Variants in ETNK1 observed in about 807,000 individuals in gnomAD.
ETNK1 encodes the protein putative protein product of Nbla10396.
A neutral mutation model predicts 45.1 loss-of-function variants in ETNK1; 8 were observed. That is an observed-to-expected ratio of 0.18 (90% CI 0.10 to 0.32). The LOEUF is 0.32. Ranked by LOEUF, ETNK1 falls within the 10% of genes least tolerant of loss-of-function variation. ETNK1 has a pLI of 1.00. For missense variants in ETNK1, 302 were observed against 430.6 expected, an observed-to-expected ratio of 0.70 and a Z score of 2.64; for synonymous variants, 152 against 151.9, an observed-to-expected ratio of 1.00 and a Z score of -0.01.
chr12:22,662,395 T>C (rs867382841), intron 4 of ETNK1, among the ~76,000 whole-genome samples: 5,216 of 144,816 alleles, frequency 0.036, 312 homozygotes, highest in African/African-American at 0.13. Context: ...GCCTTTCCTT[T>C]TTTTTTTTTT....
At chr12:22,642,398 CA>C (rs1259139892) in intron 1 of ETNK1, among the ~76,000 whole-genome samples, 2 of 151,912 alleles carry the variant, frequency 1.3e-5, no homozygotes, top group African/African-American at 4.8e-5. Context: ...GTCTTTCATA[CA>C]GTCTTTTTGA....
intron 4 of ETNK1, among the ~76,000 whole-genome samples, chr12:22,670,187 G>A (rs1460130233): frequency 6.6e-6 from 1 of 152,084 alleles, no homozygotes; most frequent in Non-Finnish European, 1.5e-5. Context: ...AAATAACAAT[G>A]TGTAAAGACC....
At chr12:22,652,293 T>G (rs1953887744) in intron 2 of ETNK1, among the ~76,000 whole-genome samples, 1 of 152,242 alleles carries the variant, frequency 6.6e-6, no homozygotes, top group Admixed American at 6.5e-5. Context: ...TTTTGGCTAT[T>G]GTGAATAATG....
At chr12:22,644,348 G>A (rs751937820) in intron 2 of ETNK1, 1 of 1,492,062 alleles carries the variant, frequency 6.7e-7, no homozygotes, top group Non-Finnish European at 9.0e-7. Context: ...ACTGCCGATT[G>A]CTTATTACTT....
rs552546376 is a variant in ETNK1, at chr12:22,625,218, C to G, written c.-213C>G. On this transcript the variant is annotated 5_prime_UTR_variant, in exon 1 of 8. Coordinates refer to ENST00000266517, the MANE Select transcript of ETNK1 (RefSeq NM_018638.5). ...CGACAACAGGAATTTTCTCCGAGAG[C>G]GGGCCGGGCTCAGTTCAGCTGCTGT... is the stretch of plus-strand genomic sequence containing the variant. 1.2e-6 allele frequency: 2 copies of G among 1,610,116 alleles called. No homozygotes were observed. The highest frequency in any genetic ancestry group is 2.7e-5 in the African/African-American group (2 of 74,988).
intron 2 of ETNK1, among the ~76,000 whole-genome samples, chr12:22,645,048 A>G (rs1470074684): frequency 1.3e-5 from 2 of 151,910 alleles, no homozygotes; most frequent in Admixed American, 1.3e-4. Flanking sequence ...TAGCCATCAC[A>G]TATATTTTCT....
intron 1 of ETNK1, 173 bp downstream of exon 1, chr12:22,625,759 C>T: frequency 5.1e-6 from 5 of 976,352 alleles, no homozygotes; most frequent in Middle Eastern, 2.0e-4. Context: ...GTCACTCCCC[C>T]TTCCCGTCGC....
intron 2 of ETNK1, among the ~76,000 whole-genome samples, chr12:22,652,059 C>G (rs181512604): frequency 3.3e-5 from 5 of 152,182 alleles, no homozygotes; most frequent in Non-Finnish European, 5.9e-5. Context: ...ACTTTCTATC[C>G]CTAGGAATTT....
intron 4 of ETNK1, among the ~76,000 whole-genome samples, chr12:22,666,695 G>T (rs1954056611): frequency 6.6e-6 from 1 of 152,136 alleles, no homozygotes; most frequent in Non-Finnish European, 1.5e-5. Flanking sequence ...AATACAAGAA[G>T]CTGATTTACA....
At position 22,685,857 on chromosome 12, in the gene ETNK1, A is replaced by T. The variant is rs1954256175; in HGVS notation, c.*903A>T. ...TGCTAATTTTTGAAACAAATACACA[A>T]AATTTATCATATGTAGAAATAAGAA... On this transcript the variant is annotated 3_prime_UTR_variant, in exon 8 of 8. Coordinates refer to ENST00000266517, the MANE Select transcript of ETNK1 (RefSeq NM_018638.5). 1 of 151,886 alleles carries T rather than the reference A, an allele frequency of 6.6e-6. No homozygotes were observed. Among genetic ancestry groups the T allele is most frequent in the Non-Finnish European group, 1.5e-5 (1 of 67,794 alleles). The allele number at this position is 151,886 out of a possible 1,614,324, so 9.4% of individuals were successfully genotyped here. A position where few individuals can be genotyped will look rare whatever the true frequency, so the allele number is the denominator to read the frequency against.
intron 6 of ETNK1, among the ~76,000 whole-genome samples, chr12:22,674,577 C>T (rs1455355285): frequency 6.6e-6 from 1 of 152,128 alleles, no homozygotes; most frequent in Non-Finnish European, 1.5e-5. Context: ...TCCTAGGATG[C>T]CTGCTTTTCT....
chr12:22,646,113 A>AT (rs1422465080), intron 2 of ETNK1, among the ~76,000 whole-genome samples: 1 of 151,880 alleles, frequency 6.6e-6, no homozygotes, highest in Non-Finnish European at 1.5e-5. Flanking sequence ...GTTAGTTGGC[A>AT]TTATGAATAG....
intron 3 of ETNK1, among the ~76,000 whole-genome samples, chr12:22,659,978 C>A: frequency 7.0e-6 from 1 of 142,130 alleles, no homozygotes. Context: ...TTTGTTTGTT[C>A]ATGATTTAAG....
intron 6 of ETNK1, 95 bp from the exon 7 acceptor site, chr12:22,684,388 A>T: frequency 2.5e-6 from 2 of 805,984 alleles, no homozygotes; most frequent in Middle Eastern, 3.5e-4. Context: ...AGTGTGGTGC[A>T]TGGAGTTGAT....
chr12:22,672,090 A>G (rs1246247270), intron 5 of ETNK1, among the ~76,000 whole-genome samples: 3 of 152,072 alleles, frequency 2.0e-5, no homozygotes, highest in African/African-American at 4.8e-5. Context: ...TTTCCATTGT[A>G]AACTGGGGCT....
intron 2 of ETNK1, chr12:22,644,533 T>G: frequency 2.7e-6 from 1 of 365,138 alleles, no homozygotes; most frequent in Non-Finnish European, 4.3e-6. Context: ...ATTCTCTTTC[T>G]GCTCTTGAAA....
At chr12:22,656,653 G>A in intron 2 of ETNK1, 1 of 985,362 alleles carries the variant, frequency 1.0e-6, no homozygotes, top group Non-Finnish European at 1.2e-6. Flanking sequence ...AAGTCATGGA[G>A]TTCTGACAGT....
intron 4 of ETNK1, among the ~76,000 whole-genome samples, chr12:22,662,390 TCC>T (rs1186859608): frequency 0.013 from 1,520 of 115,878 alleles, 25 homozygotes; most frequent in African/African-American, 0.052. Context: ...GCCTGGCCTT[TCC>T]TTTTTTTTTT....
intron 2 of ETNK1, among the ~76,000 whole-genome samples, chr12:22,646,069 G>T (rs575727933): frequency 2.0e-5 from 3 of 151,834 alleles, no homozygotes; most frequent in Non-Finnish European, 4.4e-5. Flanking sequence ...AGCAAAAGAA[G>T]ATGACACTGA....
Sources: gnomAD v4.1 joint callset for allele counts (sites outside exome capture counted in the v4.1 genomes callset) on GRCh38, gnomAD v4.1.1 for gene constraint, MANE v1.5 for transcripts, NCBI Gene and HGNC (gene_info 2026-07-23, HGNC 2026-07-21) for gene names.